Variants in GPAT4 observed in about 807,000 individuals in gnomAD.
GPAT4 encodes glycerol-3-phosphate acyltransferase 4.
GPAT4 carries 17 observed loss-of-function variants against 58.0 expected under a neutral mutation model. The ratio of observed to expected loss-of-function variants is 0.29; its 90% confidence interval spans 0.20 to 0.44. GPAT4 has a LOEUF of 0.44. Among genes scored for constraint, GPAT4 ranks in the 20% least tolerant of loss-of-function variants. The pLI is 1.00. For missense variants in GPAT4, 377 were observed against 574.5 expected (o/e 0.66, Z 3.51); for synonymous variants, 204 against 210.1 (o/e 0.97, Z 0.25).
At chr8:41,590,443 G>A (rs1198353514) in intron 1 of GPAT4, among the ~76,000 whole-genome samples, 2 of 152,224 alleles carry the variant, frequency 1.3e-5, no homozygotes, top group African/African-American at 2.4e-5. Context: ...GGGTTACAGA[G>A]CAGGGGCCTG....
intron 8 of GPAT4, 35 bp from the exon 9 acceptor site, chr8:41,614,348 GGTT>G: frequency 6.4e-7 from 1 of 1,571,038 alleles, no homozygotes; most frequent in South Asian, 1.1e-5. Flanking sequence ...ATGTGTATAA[GGTT>G]GTCTGACCCT....
At chr8:41,578,574 G>A (rs1241581234) in intron 1 of GPAT4, 3 of 152,180 alleles carry the variant, frequency 2.0e-5, no homozygotes, top group Admixed American at 2.0e-4. Context: ...CCTCCCCCAA[G>A]TCCCAGGTGT....
intron 2 of GPAT4, among the ~76,000 whole-genome samples, chr8:41,600,374 T>C (rs1201370258): frequency 6.6e-6 from 1 of 152,204 alleles, no homozygotes; most frequent in Admixed American, 6.5e-5. Flanking sequence ...AGAGTAACTT[T>C]TATCGTTTTT....
At position 41,615,167 on chromosome 8, in the gene GPAT4, G is replaced by C. The variant is rs1401783602; in HGVS notation, c.1053+119G>C. On this transcript the variant is annotated intron_variant, in intron 10 of 12. Coordinates refer to ENST00000396987, the MANE Select transcript of GPAT4 (RefSeq NM_178819.4). ...GTCTGTGGTCGATGCCCTCAGCAGAGTGGCGTGGGGCTGGGTTGACGTGGG... is the reference window on the plus strand; with the variant it reads ...GTCTGTGGTCGATGCCCTCAGCAGACTGGCGTGGGGCTGGGTTGACGTGGG... 37 of 876,682 alleles carry C rather than the reference G, an allele frequency of 4.2e-5. No homozygotes were observed. The East Asian group carries it at 9.4e-4, about 22-fold the overall frequency. 54.3% of individuals were successfully genotyped at this position (876,682 alleles called of 1,614,324 possible).
intron 1 of GPAT4, chr8:41,584,983 G>A (rs1401413273): frequency 2.0e-5 from 3 of 152,186 alleles, no homozygotes; most frequent in Admixed American, 2.0e-4. Context: ...TTTTATCCAG[G>A]ATTGATGCCA....
rs1180479690 is a variant in GPAT4 at position 41,610,789 on chromosome 8, T to C, written c.590T>C (p.Val197Ala). 2 of 1,611,780 alleles carry C rather than the reference T, an allele frequency of 1.2e-6. No individual in the cohort carries two copies. The highest frequency in any genetic ancestry group is 1.7e-4 in the Middle Eastern group (1 of 6,048). Residue 197 changes from valine (V) to alanine (A), a missense_variant, in exon 5 of 13, where the codon GTG (valine) becomes GCG (alanine). Val to Ala is a moderately conservative substitution (Grantham distance 64). Transcript: ENST00000396987. ...ISLLVVGTTV[V>A]GYLPNGRFKE... ...CTTCTGGTGGTGGGCACAACTGTGG[T>C]GGGATACTTGCCAAATGGGAGGTGA...
rs1410304709 is a variant in GPAT4, at chr8:41,598,758, T to TG, written c.-379dup. The TG allele has an allele frequency of 5.4e-6, 1 of 184,570 alleles. No individual in the cohort carries two copies. Among genetic ancestry groups the TG allele is most frequent in the Non-Finnish European group, 1.1e-5 (1 of 91,014 alleles). The allele number at this position is 184,570 out of a possible 1,614,324, so 11.4% of individuals were successfully genotyped here. ...GACAGATTTATCTGTTGAATGCTCT[T>TG]GGGCAGGAAAACCATGTAAAACCTC... On this transcript the variant is annotated 5_prime_UTR_variant, in exon 2 of 13. It removes the in-frame stop codon of an upstream open reading frame in the 5' UTR. Coordinates refer to ENST00000396987, the MANE Select transcript of GPAT4 (RefSeq NM_178819.4).
chr8:41,607,970 C>G (rs1803329534), intron 2 of GPAT4, among the ~76,000 whole-genome samples: 1 of 152,182 alleles, frequency 6.6e-6, no homozygotes. Context: ...TTCACCTCTT[C>G]TCTAGTTCCA....
intron 1 of GPAT4, among the ~76,000 whole-genome samples, chr8:41,595,156 G>GTT (rs1159786065): frequency 0.012 from 1,519 of 130,268 alleles, 29 homozygotes; most frequent in African/African-American, 0.038. Context: ...AATTGGTATA[G>GTT]TTTTTTTTTT....
rs1167582807 is a variant in GPAT4, at chr8:41,618,702, G to A, written c.1072G>A (p.Asp358Asn). The change falls in exon 11 of 13, where the codon GAT becomes AAT. Residue 358 changes from aspartate to asparagine, a missense_variant. By Grantham distance (23) the Asp-to-Asn change is conservative. Coordinates refer to ENST00000396987, the MANE Select transcript of GPAT4 (RefSeq NM_178819.4). The part of the protein sequence containing the change: ...VAIKYDPQFG[D>N]AFWNSSKYGM... ...TTTTCAGTATGACCCTCAATTTGGC[G>A]ATGCCTTCTGGAACAGCAGCAAATA... 6 of 1,614,040 alleles carry A rather than the reference G, an allele frequency of 3.7e-6. No homozygotes were observed. The highest frequency in any genetic ancestry group is 2.2e-5 in the South Asian group (2 of 91,094).
At chr8:41,607,540 C>CTTTT (rs397946899) in intron 2 of GPAT4, among the ~76,000 whole-genome samples, 1 of 140,280 alleles carries the variant, frequency 7.1e-6, no homozygotes, top group African/African-American at 2.6e-5. Context: ...GTTTCTCTCT[C>CTTTT]TTTTTTTTTT....
At chr8:41,593,067 A>G (rs988732681) in intron 1 of GPAT4, among the ~76,000 whole-genome samples, 10 of 152,182 alleles carry the variant, frequency 6.6e-5, no homozygotes, top group African/African-American at 2.2e-4. Context: ...CTTTTTCCCC[A>G]TCAAAAGAGC....
intron 10 of GPAT4, among the ~76,000 whole-genome samples, chr8:41,617,317 T>G (rs2150506713): frequency 6.6e-6 from 1 of 152,238 alleles, no homozygotes; most frequent in East Asian, 1.9e-4. Context: ...TGAGCCGAGA[T>G]AGCGCCACAG....
chr8:41,589,824 C>T (rs1802744797), intron 1 of GPAT4, among the ~76,000 whole-genome samples: 1 of 152,188 alleles, frequency 6.6e-6, no homozygotes, highest in African/African-American at 2.4e-5. Context: ...TAACCCTGGC[C>T]AGTAGGACAG....
Position 41,599,255 on chromosome 8 carries a change from C to T in GPAT4, c.116C>T (p.Ser39Phe). Residue 39 changes from serine (S) to phenylalanine (F), a missense_variant, in exon 2 of 13, where the codon TCC (serine) becomes TTC (phenylalanine). Physicochemically the swap from Ser to Phe is radical, Grantham distance 155 (BLOSUM62 -2). Coordinates refer to ENST00000396987, the MANE Select transcript of GPAT4 (RefSeq NM_178819.4). Reference protein sequence around the residue: ...FIIVPAIFGVSFGIRKLYMKS... With the variant: ...FIIVPAIFGVFFGIRKLYMKS... ...ATAGTGCCAGCCATTTTTGGAGTCT[C>T]CTTTGGTATCCGCAAACTCTACATG... 6.2e-7 allele frequency: 1 copy of T among 1,614,100 alleles called. No homozygotes were observed. The highest frequency in any genetic ancestry group is 1.3e-5 in the African/African-American group (1 of 75,050).
chr8:41,581,992 G>GTTTTT, intron 1 of GPAT4, among the ~76,000 whole-genome samples: 1 of 78,758 alleles, frequency 1.3e-5, no homozygotes, highest in Admixed American at 1.7e-4. Context: ...GAAGTTCAAT[G>GTTTTT]ATTTTTTTTT....
chr8:41,588,720 A>G (rs769375147), intron 1 of GPAT4, among the ~76,000 whole-genome samples: 1 of 152,196 alleles, frequency 6.6e-6, no homozygotes, highest in Non-Finnish European at 1.5e-5. Flanking sequence ...TTGTTGAATG[A>G]ATGAACTAGT....
At chr8:41,600,036 CTT>C (rs758905649) in intron 2 of GPAT4, among the ~76,000 whole-genome samples, 3 of 100,328 alleles carry the variant, frequency 3.0e-5, no homozygotes, top group Non-Finnish European at 1.9e-5. Flanking sequence ...TTTTTCTTTT[CTT>C]TTTTTTTTTT....
intron 1 of GPAT4, among the ~76,000 whole-genome samples, chr8:41,593,671 A>G (rs1802852116): frequency 6.6e-6 from 1 of 152,182 alleles, no homozygotes; most frequent in Non-Finnish European, 1.5e-5. Context: ...GGTCCTTCCC[A>G]GGCTGGCTCT....
Sources: allele counts gnomAD v4.1 joint callset (sites outside exome capture counted in the v4.1 genomes callset), GRCh38; gene constraint gnomAD v4.1.1; transcripts MANE v1.5; gene names NCBI Gene and HGNC (gene_info 2026-07-23, HGNC 2026-07-21).